The following ADK variants were observed in gnomAD, a reference collection of about 807,000 sequenced individuals.
The protein encoded by ADK is N6,N6-dimethyladenosine kinase.
A neutral mutation model predicts 44.7 loss-of-function variants in ADK; 24 were observed. The ratio of observed to expected loss-of-function variants is 0.54; its 90% confidence interval spans 0.39 to 0.76. ADK has a LOEUF of 0.76. Ranked by LOEUF, ADK falls within the 30% of genes least tolerant of loss-of-function variation. The pLI is 0.00. For synonymous variants in ADK, 128 were observed against 142.6 expected (o/e 0.90, Z 0.73); for missense variants, 321 against 425.1 (o/e 0.76, Z 2.15).
At chr10:74,469,909 A>G (rs935218742) in intron 6 of ADK, among the ~76,000 whole-genome samples, 2 of 150,214 alleles carry the variant, frequency 1.3e-5, no homozygotes, top group Middle Eastern at 3.4e-3. Flanking sequence ...TGGCTGGCTT[A>G]TTTCACTTCC....
intron 1 of ADK, among the ~76,000 whole-genome samples, chr10:74,194,915 A>G (rs180779675): frequency 1.3e-5 from 2 of 152,354 alleles, no homozygotes; most frequent in African/African-American, 4.8e-5. Flanking sequence ...ATCAACATTC[A>G]AACATTAATA....
At chr10:74,262,564 A>T (rs968810528) in intron 3 of ADK, among the ~76,000 whole-genome samples, 1 of 152,178 alleles carries the variant, frequency 6.6e-6, no homozygotes, top group Non-Finnish European at 1.5e-5. Flanking sequence ...GTTTATTTCT[A>T]GTTTTTCATA....
At chr10:74,639,051 C>T (rs1853730595) in intron 9 of ADK, among the ~76,000 whole-genome samples, 1 of 152,134 alleles carries the variant, frequency 6.6e-6, no homozygotes, top group South Asian at 2.1e-4. Flanking sequence ...TCAGGTGATC[C>T]ACCCACCTCA....
chr10:74,629,262 T>C (rs955694579), intron 9 of ADK, among the ~76,000 whole-genome samples: 3 of 152,152 alleles, frequency 2.0e-5, no homozygotes, highest in Non-Finnish European at 4.4e-5. Flanking sequence ...ATTCCTGGCC[T>C]CAAGTGATTC....
At chr10:74,230,979 G>A (rs1366632239) in intron 3 of ADK, among the ~76,000 whole-genome samples, 2 of 152,140 alleles carry the variant, frequency 1.3e-5, no homozygotes. Context: ...ACCGCGCCTG[G>A]CCGCCAGTAA....
intron 9 of ADK, among the ~76,000 whole-genome samples, chr10:74,652,124 C>T (rs911608224): frequency 5.3e-5 from 8 of 151,334 alleles, no homozygotes; most frequent in African/African-American, 1.9e-4. Context: ...CAACTGCAAC[C>T]TCTGCCTCCT....
intron 6 of ADK, among the ~76,000 whole-genome samples, chr10:74,468,098 G>A (rs1056559789): frequency 1.3e-5 from 2 of 152,160 alleles, no homozygotes; most frequent in Non-Finnish European, 2.9e-5. Flanking sequence ...TCCCAGGTGA[G>A]CAATGATTCT....
Position 74,477,052 on chromosome 10 carries a change from A to G in ADK, c.556-48204A>G, listed in dbSNP as rs565275012. ...TATTGTATGGTATGCTTTCTGTACT[A>G]TGAGGATTTTTTAATTTGTTTCTAT... On this transcript the variant is annotated intron_variant, in intron 6 of 10. Coordinates refer to ENST00000539909, the MANE Select transcript of ADK (RefSeq NM_006721.4). 2.0e-4 allele frequency among the ~76,000 whole-genome samples: 30 copies of G among 152,276 alleles called. 1 individual carries two copies. In the South Asian group the frequency reaches 6.0e-3, roughly 30 times the overall value.
rs2132472215 is a variant in ADK at position 74,288,999 on chromosome 10, A to G, written c.195-25668A>G. On this transcript the variant is annotated intron_variant, in intron 3 of 10. Coordinates refer to ENST00000539909, the MANE Select transcript of ADK (RefSeq NM_006721.4). ...TGGCTACTTTGAAAATTGTCAGTAG[A>G]TAGGAAATAAAAATAACAGAATGAA... Among the ~76,000 whole-genome samples, 4 of 152,228 alleles carry G rather than the reference A, an allele frequency of 2.6e-5. No individual in the cohort carries two copies. In the South Asian group the frequency reaches 8.3e-4, roughly 32 times the overall value.
intron 10 of ADK, among the ~76,000 whole-genome samples, chr10:74,678,353 G>A (rs1013088402): frequency 2.6e-5 from 4 of 151,926 alleles, no homozygotes; most frequent in African/African-American, 4.8e-5. Flanking sequence ...TTGAGCCTTC[G>A]TTAGTTAAAA....
intron 6 of ADK, among the ~76,000 whole-genome samples, chr10:74,469,457 G>A (rs2133283874): frequency 6.6e-6 from 1 of 152,136 alleles, no homozygotes; most frequent in Middle Eastern, 3.4e-3. Context: ...GAACTCCTGG[G>A]GCTCGAGTGA....
chr10:74,151,475 C>G lies in ADK; in HGVS notation c.65+132C>G, dbSNP rs1841585355. The G allele has an allele frequency of 1.1e-5, 11 of 986,846 alleles. No homozygotes were observed. In the South Asian group the frequency reaches 1.6e-4, roughly 14 times the overall value. 61.1% of individuals were successfully genotyped at this position (986,846 alleles called of 1,614,324 possible). Reference sequence around the variant, plus strand: ...TTGGGGCCAACACGCAGGACCTCCCCCAGCTGCCCGCTTGGCCGCGACCCC... The same window carrying G: ...TTGGGGCCAACACGCAGGACCTCCCGCAGCTGCCCGCTTGGCCGCGACCCC... On this transcript the variant is annotated intron_variant, in intron 1 of 10. Coordinates refer to ENST00000539909, the MANE Select transcript of ADK (RefSeq NM_006721.4).
chr10:74,421,975 A>G (rs577586147), intron 6 of ADK, among the ~76,000 whole-genome samples: 53 of 152,296 alleles, frequency 3.5e-4, no homozygotes, highest in African/African-American at 1.3e-3. Flanking sequence ...AATTCCAAAT[A>G]ACATATTGCC....
intron 9 of ADK, among the ~76,000 whole-genome samples, chr10:74,659,044 AT>A (rs1854599376): frequency 6.6e-6 from 1 of 151,924 alleles, no homozygotes; most frequent in Non-Finnish European, 1.5e-5. Context: ...AGGGAGGCCC[AT>A]CTCTATAAAA....
intron 7 of ADK, among the ~76,000 whole-genome samples, chr10:74,570,447 C>A (rs1485681646): frequency 6.6e-6 from 1 of 152,000 alleles, no homozygotes; most frequent in Non-Finnish European, 1.5e-5. Context: ...TCTTTTATTT[C>A]ATTGAGCAGT....
At chr10:74,227,663 GTGAAACCC>G (rs1296339112) in intron 3 of ADK, among the ~76,000 whole-genome samples, 5 of 152,174 alleles carry the variant, frequency 3.3e-5, no homozygotes, top group African/African-American at 1.2e-4. Context: ...GGCCAAGATG[GTGAAACCC>G]TGTCTCTACT....
intron 4 of ADK, among the ~76,000 whole-genome samples, chr10:74,374,908 T>C (rs775753448): frequency 3.9e-5 from 6 of 152,204 alleles, no homozygotes; most frequent in Non-Finnish European, 5.9e-5. Flanking sequence ...AGTTTTTTGT[T>C]CGTACCTTTA....
intron 9 of ADK, among the ~76,000 whole-genome samples, chr10:74,615,517 A>G (rs891496112): frequency 6.6e-6 from 1 of 152,104 alleles, no homozygotes; most frequent in South Asian, 2.1e-4. Flanking sequence ...AAACTCCCCC[A>G]ATTTTATGAG....
At chr10:74,171,102 G>A (rs1842150459) in intron 1 of ADK, among the ~76,000 whole-genome samples, 1 of 151,920 alleles carries the variant, frequency 6.6e-6, no homozygotes, top group Admixed American at 6.6e-5. Context: ...TAAAAAGTCT[G>A]TGGAAACATT....
Sources: gnomAD v4.1 joint callset for allele counts (sites outside exome capture counted in the v4.1 genomes callset) on GRCh38, gnomAD v4.1.1 for gene constraint, MANE v1.5 for transcripts, NCBI Gene and HGNC (gene_info 2026-07-23, HGNC 2026-07-21) for gene names.